TNRC6A: variants seen among roughly 807,000 people sequenced by gnomAD.
TNRC6A encodes trinucleotide repeat containing adaptor 6A.
In TNRC6A, 44 loss-of-function variants were observed where a neutral mutation model predicts 221.2. The observed-to-expected ratio is 0.20, with a 90% CI of 0.16 to 0.26. The LOEUF (loss-of-function observed/expected upper bound fraction) is 0.26. Ranked by LOEUF, TNRC6A falls within the 10% of genes least tolerant of loss-of-function variation. The pLI, the probability that TNRC6A is intolerant of heterozygous loss-of-function variation, is 1.00. For synonymous variants in TNRC6A, 847 were observed against 838.5 expected (o/e 1.01, Z -0.18); for missense variants, 2,199 against 2,404.4 (o/e 0.91, Z 1.79).
intron 2 of TNRC6A, among the ~76,000 whole-genome samples, chr16:24,702,642 G>A (rs894878980): frequency 2.6e-5 from 4 of 151,960 alleles, no homozygotes; most frequent in East Asian, 1.9e-4. Context: ...GGCTGGGCAC[G>A]GTGACACCTC....
At chr16:24,757,924 C>T (rs952718310) in intron 3 of TNRC6A, among the ~76,000 whole-genome samples, 1 of 152,094 alleles carries the variant, frequency 6.6e-6, no homozygotes, top group Non-Finnish European at 1.5e-5. Flanking sequence ...AAACCTAATT[C>T]GTCTTTTTAT....
At chr16:24,771,516 C>CATGTTATGTT (rs60883844) in intron 4 of TNRC6A, among the ~76,000 whole-genome samples, 8,971 of 87,998 alleles carry the variant, frequency 0.1, 755 homozygotes, top group Non-Finnish European at 0.12. Flanking sequence ...GAGCCTGGTG[C>CATGTTATGTT]ATGTTATGTT....
intron 2 of TNRC6A, among the ~76,000 whole-genome samples, chr16:24,695,816 A>T (rs1312907282): frequency 1.3e-5 from 2 of 152,116 alleles, no homozygotes; most frequent in Non-Finnish European, 2.9e-5. Context: ...CTGGTGGTTA[A>T]TTTGGCCACG....
chr16:24,784,014 T>C (rs2151805338), intron 5 of TNRC6A, among the ~76,000 whole-genome samples: 1 of 152,336 alleles, frequency 6.6e-6, no homozygotes, highest in South Asian at 2.1e-4. Context: ...GTTGTTGTTT[T>C]GAGATGGAGT....
chr16:24,642,485 G>C (rs2141765490), intron 2 of TNRC6A, among the ~76,000 whole-genome samples: 1 of 152,178 alleles, frequency 6.6e-6, no homozygotes, highest in African/African-American at 2.4e-5. Context: ...GAGGGGAAAA[G>C]GAAAATGACC....
At chr16:24,768,432 C>CAAAAAA (rs35193077) in intron 4 of TNRC6A, among the ~76,000 whole-genome samples, 1 of 89,184 alleles carries the variant, frequency 1.1e-5, no homozygotes, top group Non-Finnish European at 2.2e-5. Context: ...GACTCTGTCT[C>CAAAAAA]AAAAAAAAAA....
intron 4 of TNRC6A, among the ~76,000 whole-genome samples, chr16:24,761,862 G>A (rs1043327530): frequency 6.6e-6 from 1 of 152,050 alleles, no homozygotes; most frequent in African/African-American, 2.4e-5. Context: ...CATGTTGATT[G>A]TACATTCATT....
At chr16:24,817,028 G>C in intron 20 of TNRC6A, 72 bp downstream of exon 20, 3 of 1,463,764 alleles carry the variant, frequency 2.0e-6, no homozygotes, top group Non-Finnish European at 2.7e-6. Flanking sequence ...GTAGTACCCA[G>C]CTACTCTGGG....
At position 24,790,822 on chromosome 16, in the gene TNRC6A, C is replaced by G. The variant is rs1159877006; in HGVS notation, c.2180C>G (p.Pro727Arg). The change falls in exon 6 of 25, where the codon CCT becomes CGT. Residue 727 changes from proline (P) to arginine (R), a missense_variant. By Grantham distance (103) the Pro-to-Arg change is moderately radical. Coordinates refer to ENST00000395799, the MANE Select transcript of TNRC6A (RefSeq NM_014494.4). ...VLSNSGWGQT[P>R]IKQNTAWDTE... Reference sequence around the variant, plus strand: ...TCCAACTCTGGTTGGGGACAGACTCCTATTAAGCAGAATACTGCCTGGGAT... The same window carrying G: ...TCCAACTCTGGTTGGGGACAGACTCGTATTAAGCAGAATACTGCCTGGGAT... 1.2e-6 allele frequency: 2 copies of G among 1,614,092 alleles called. No individual in the cohort carries two copies. Among genetic ancestry groups the G allele is most frequent in the Admixed American group, 1.7e-5 (1 of 60,026 alleles).
chr16:24,750,861 T>TA (rs34485608), intron 3 of TNRC6A, 48 bp downstream of exon 3: 171,780 of 1,340,778 alleles, frequency 0.13, 12,876 homozygotes, highest in East Asian at 0.35. Flanking sequence ...AACATAGAAT[T>TA]AAAAAAAAAT....
chr16:24,641,212 C>T (rs761821314), intron 2 of TNRC6A, among the ~76,000 whole-genome samples: 11 of 152,182 alleles, frequency 7.2e-5, no homozygotes, highest in Non-Finnish European at 1.3e-4. Flanking sequence ...TGTACCATCA[C>T]CCCACGTCAC....
chr16:24,699,030 A>G (rs1190300727), intron 2 of TNRC6A, among the ~76,000 whole-genome samples: 1 of 152,086 alleles, frequency 6.6e-6, no homozygotes, highest in African/African-American at 2.4e-5. Context: ...ATTTTAAGGG[A>G]GCTGAAGAAC....
At chr16:24,778,286 TCTCTTTTATATACCAAGAACTA>T (rs2151739733) in intron 5 of TNRC6A, 1 of 985,186 alleles carries the variant, frequency 1.0e-6, no homozygotes, top group East Asian at 1.1e-4. Context: ...ATACCTGTGC[TCTCTTTTATATACCAAGAACTA>T]CTCTGTACAT....
intron 1 of TNRC6A, among the ~76,000 whole-genome samples, chr16:24,621,442 T>C (rs1257539518): frequency 2.2e-5 from 3 of 139,334 alleles, no homozygotes; most frequent in African/African-American, 8.0e-5. Context: ...CACTGCAAAC[T>C]CCGCCTCCCA....
chr16:24,781,062 T>TTTTTTTTC (rs1470925826), intron 5 of TNRC6A, among the ~76,000 whole-genome samples: 2 of 143,562 alleles, frequency 1.4e-5, no homozygotes, highest in East Asian at 4.1e-4. Context: ...TTTTTTTTTT[T>TTTTTTTTC]TTTTTTGGAG....
chr16:24,628,846 T>C (rs1318853801), intron 1 of TNRC6A, among the ~76,000 whole-genome samples: 1 of 151,306 alleles, frequency 6.6e-6, no homozygotes, highest in Non-Finnish European at 1.5e-5. Context: ...TTTTTTTTTC[T>C]GTCATTTTCA....
chr16:24,637,261 G>A (rs558553839), intron 1 of TNRC6A, among the ~76,000 whole-genome samples: 1 of 152,242 alleles, frequency 6.6e-6, no homozygotes, highest in South Asian at 2.1e-4. Flanking sequence ...TCGAACTCCT[G>A]GCCTCAAGCG....
chr16:24,815,414 T>G, intron 19 of TNRC6A, 109 bp downstream of exon 19: 1 of 1,273,966 alleles, frequency 7.8e-7, no homozygotes, highest in Non-Finnish European at 1.1e-6. Context: ...TAGACTGACG[T>G]GTGCGGATGA....
intron 1 of TNRC6A, among the ~76,000 whole-genome samples, chr16:24,629,777 G>A (rs1327460371): frequency 1.3e-5 from 2 of 152,088 alleles, no homozygotes; most frequent in African/African-American, 4.8e-5. Context: ...CCAGGAGTTT[G>A]AGACCAGGCT....
Sources: allele counts gnomAD v4.1 joint callset (sites outside exome capture counted in the v4.1 genomes callset), GRCh38; gene constraint gnomAD v4.1.1; transcripts MANE v1.5; gene names NCBI Gene and HGNC (gene_info 2026-07-23, HGNC 2026-07-21).